The following PPARG variants were observed in gnomAD, a reference collection of about 807,000 sequenced individuals.
The protein encoded by PPARG is peroxisome proliferator activated receptor gamma.
Under a neutral mutation model 39.2 loss-of-function variants are expected in PPARG, and 17 were observed. The observed-to-expected ratio is 0.43, with a 90% confidence interval of 0.30 to 0.65. The LOEUF is 0.65. Ranked by LOEUF, PPARG falls within the 30% of genes least tolerant of loss-of-function variation. PPARG has a pLI of 0.13. For missense variants in PPARG, 406 were observed against 585.9 expected (o/e 0.69, Z 3.17); for synonymous variants, 223 against 215.7 (o/e 1.03, Z -0.30).
In PPARG at chr3:12,434,169, A is replaced by G. The variant is rs1294684489; in HGVS notation, c.*24A>G. The G allele has an allele frequency of 1.2e-6, 2 of 1,614,136 alleles. No homozygotes were observed. The highest frequency in any genetic ancestry group is 2.2e-5 in the East Asian group (1 of 44,894). On this transcript the variant is annotated 3_prime_UTR_variant, in exon 8 of 8. Transcript: ENST00000651735. The surrounding 1 kb of genome is among the most constrained non-coding windows in gnomAD (Gnocchi z 4.2). ...AGCAGAGAGTCCTGAGCCACTGCCA[A>G]CATTTCCCTTCTTCCAGTTGCACTA...
At chr3:12,288,429 G>C (rs1559480050), upstream of PPARG, among the ~76,000 whole-genome samples, 1 of 151,804 alleles carries the variant, frequency 6.6e-6, no homozygotes, top group Non-Finnish European at 1.5e-5. Flanking sequence ...GCCCCCCTCG[G>C]GAGAGCGCCG....
chr3:12,295,449 C>A (rs1210872398), intron 1 of PPARG, among the ~76,000 whole-genome samples: 1 of 151,878 alleles, frequency 6.6e-6, no homozygotes, highest in East Asian at 1.9e-4. Context: ...TAGAAACATC[C>A]TGATTTTATT....
chr3:12,351,075 G>T (rs1365147811), intron 2 of PPARG, among the ~76,000 whole-genome samples: 1 of 152,164 alleles, frequency 6.6e-6, no homozygotes, highest in African/African-American at 2.4e-5. Flanking sequence ...CAAATAATGT[G>T]ATTAGAGATT....
Position 12,406,072 on chromosome 3 carries a change from A to C in PPARG, c.720A>C (p.Thr240=). The stretch of plus-strand genomic sequence containing the variant: ...GGGCGATCTTGACAGGAAAGACAAC[A>C]GACAAATCAGTTAGTTCTCTTCTGC... ...KARAILTGKT[T]DKSPFVIYDM... The change falls in exon 6 of 8, where the codon ACA becomes ACC. Residue 240 remains threonine (T), a synonymous_variant. Coordinates refer to ENST00000651735, the MANE Select transcript of PPARG (RefSeq NM_138711.6). 1 of 1,614,086 alleles carries C rather than the reference A, an allele frequency of 6.2e-7. No homozygotes were observed. The highest frequency in any genetic ancestry group is 2.2e-5 in the East Asian group (1 of 44,852).
chr3:12,391,719 G>A (rs1310720297), intron 4 of PPARG, among the ~76,000 whole-genome samples: 4 of 152,140 alleles, frequency 2.6e-5, no homozygotes, highest in Admixed American at 1.3e-4. Context: ...CTAAATGGAC[G>A]TTTGGAGAAA....
chr3:12,364,719 T>G (rs890629397), intron 2 of PPARG, among the ~76,000 whole-genome samples: 1 of 152,216 alleles, frequency 6.6e-6, no homozygotes, highest in African/African-American at 2.4e-5. Flanking sequence ...GGTGTTAGTG[T>G]TTTAGATTTT....
chr3:12,376,806 T>C (rs2049429206), intron 2 of PPARG, among the ~76,000 whole-genome samples: 1 of 152,188 alleles, frequency 6.6e-6, no homozygotes, highest in African/African-American at 2.4e-5. Context: ...TAAATAAATA[T>C]TTAACGAGCA....
chr3:12,301,327 T>G (rs1053458009), intron 1 of PPARG, among the ~76,000 whole-genome samples: 3 of 152,220 alleles, frequency 2.0e-5, no homozygotes, highest in Non-Finnish European at 4.4e-5. Flanking sequence ...TACAAAATGT[T>G]ATTCAGACTT....
At chr3:12,379,468 T>G (rs770809617) in intron 2 of PPARG, among the ~76,000 whole-genome samples, 1 of 152,212 alleles carries the variant, frequency 6.6e-6, no homozygotes, top group Non-Finnish European at 1.5e-5. Flanking sequence ...ATACACTGTA[T>G]GTATCTGCAC....
intron 1 of PPARG, among the ~76,000 whole-genome samples, chr3:12,303,283 G>A (rs938040597): frequency 6.6e-6 from 1 of 151,740 alleles, no homozygotes; most frequent in African/African-American, 2.4e-5. Context: ...TGAAACCTCC[G>A]CTTCCTGGGT....
At chr3:12,381,211 C>A in intron 3 of PPARG, 111 bp from the exon 4 acceptor site, 1 of 1,124,618 alleles carries the variant, frequency 8.9e-7, no homozygotes, top group Non-Finnish European at 1.3e-6. Flanking sequence ...TGTGCTTTTA[C>A]ACTGAAACAA....
At chr3:12,343,517 C>T (rs538528384) in intron 2 of PPARG, among the ~76,000 whole-genome samples, 14 of 152,236 alleles carry the variant, frequency 9.2e-5, no homozygotes, top group Admixed American at 5.9e-4. Context: ...TAAATGACTT[C>T]GCAGGGTTGA....
At chr3:12,430,380 C>T (rs904395968) in intron 7 of PPARG, among the ~76,000 whole-genome samples, 1 of 152,152 alleles carries the variant, frequency 6.6e-6, no homozygotes, top group Non-Finnish European at 1.5e-5. Flanking sequence ...CACGGTCTAA[C>T]GGGGGAGAAA....
At position 12,417,175 on chromosome 3, in the gene PPARG, T is replaced by G. The variant is rs1368557395; in HGVS notation, c.1180+21T>G. 4 of 1,610,404 alleles carry G rather than the reference T, an allele frequency of 2.5e-6. No homozygotes were observed. The African/African-American group carries it at 5.3e-5, about 22-fold the overall frequency. ...TGGAGGTAAGATTTGTCTTTTGATC[T>G]TCTATGAAAGAGGGTGGGATGATGG... On this transcript the variant is annotated intron_variant, in intron 7 of 7. Transcript: ENST00000651735.
At chr3:12,390,274 T>C (rs2050021761) in intron 4 of PPARG, among the ~76,000 whole-genome samples, 2 of 152,186 alleles carry the variant, frequency 1.3e-5, no homozygotes, top group Admixed American at 1.3e-4. Context: ...CATTATCTTG[T>C]AAAATTTTAA....
intron 1 of PPARG, among the ~76,000 whole-genome samples, chr3:12,294,357 A>C (rs2046724712): frequency 6.6e-6 from 1 of 152,262 alleles, no homozygotes; most frequent in Admixed American, 6.5e-5. Flanking sequence ...TCACAGTTCA[A>C]GTTATGAGCT....
At chr3:12,343,087 G>T (rs747834414) in intron 2 of PPARG, among the ~76,000 whole-genome samples, 4 of 152,172 alleles carry the variant, frequency 2.6e-5, no homozygotes, top group Non-Finnish European at 5.9e-5. Flanking sequence ...CTGCCAGCCT[G>T]AAACAGTAGG....
intron 7 of PPARG, among the ~76,000 whole-genome samples, chr3:12,425,649 A>C (rs908419093): frequency 1.3e-5 from 2 of 152,136 alleles, no homozygotes; most frequent in Non-Finnish European, 2.9e-5. Flanking sequence ...CTGCATTTCC[A>C]GCCCCAGTCA....
chr3:12,423,587 G>C (rs1288958316), intron 7 of PPARG, among the ~76,000 whole-genome samples: 1 of 152,218 alleles, frequency 6.6e-6, no homozygotes, highest in Non-Finnish European at 1.5e-5. Flanking sequence ...GCACAGCCCA[G>C]TGCCTTCCAC....
Sources: gnomAD v4.1 joint callset for allele counts (sites outside exome capture counted in the v4.1 genomes callset) on GRCh38, gnomAD v4.1.1 for gene constraint, Gnocchi (gnomAD v3.1) non-coding constraint, MANE v1.5 for transcripts, NCBI Gene and HGNC (gene_info 2026-07-23, HGNC 2026-07-21) for gene names.